EML1: variants seen among roughly 807,000 people sequenced by gnomAD.
The protein encoded by EML1 is echinoderm microtubule-associated protein-like 1.
Under a neutral mutation model 110.4 loss-of-function variants are expected in EML1, and 27 were observed. The observed-to-expected ratio is 0.24, with a 90% CI of 0.18 to 0.34. The LOEUF (loss-of-function observed/expected upper bound fraction) is 0.34. EML1 is among the 10% of genes least tolerant of loss of function. EML1 has a pLI of 1.00. For synonymous variants in EML1, 344 were observed against 385.8 expected (o/e 0.89, Z 1.27); for missense variants, 741 against 1,030.9 (o/e 0.72, Z 3.85).
intron 2 of EML1, among the ~76,000 whole-genome samples, chr14:99,856,572 C>A (rs1358051521): frequency 6.6e-6 from 1 of 152,190 alleles, no homozygotes; most frequent in Non-Finnish European, 1.5e-5. Flanking sequence ...GCACCTTCTC[C>A]TTACAAATTG....
upstream of EML1, among the ~76,000 whole-genome samples, chr14:99,789,862 G>A (rs2057643900): frequency 6.6e-6 from 1 of 152,148 alleles, no homozygotes; most frequent in Non-Finnish European, 1.5e-5. Flanking sequence ...TTGGTGCTCA[G>A]GATATAAATT....
At chr14:99,915,030 T>C (rs1241984087) in intron 15 of EML1, 6 of 329,476 alleles carry the variant, frequency 1.8e-5, no homozygotes, top group Non-Finnish European at 3.3e-5. Context: ...CTATTTACAG[T>C]GTACCCTTTG....
intron 15 of EML1, among the ~76,000 whole-genome samples, chr14:99,916,538 G>T (rs924947592): frequency 6.6e-6 from 1 of 152,094 alleles, no homozygotes; most frequent in Non-Finnish European, 1.5e-5. Context: ...CCTGCAAAGT[G>T]CCCTTTATCT....
intron 6 of EML1, among the ~76,000 whole-genome samples, chr14:99,895,576 A>T (rs1453152414): frequency 1.3e-5 from 2 of 152,168 alleles, no homozygotes; most frequent in Non-Finnish European, 2.9e-5. Context: ...AAAGAGGGGT[A>T]CTCTGAAAGG....
chr14:99,841,871 C>T (rs1414725558), intron 1 of EML1, among the ~76,000 whole-genome samples: 1 of 152,166 alleles, frequency 6.6e-6, no homozygotes, highest in Non-Finnish European at 1.5e-5. Context: ...TTACACACTG[C>T]CATGTGTAAA....
intron 1 of EML1, among the ~76,000 whole-genome samples, chr14:99,751,889 A>C (rs2057179903): frequency 6.6e-6 from 1 of 152,132 alleles, no homozygotes; most frequent in Non-Finnish European, 1.5e-5. Context: ...CTGGGTGAGA[A>C]GGGAGCCAGG....
intron 1 of EML1, among the ~76,000 whole-genome samples, chr14:99,813,715 A>G (rs187604087): frequency 6.6e-6 from 1 of 152,312 alleles, no homozygotes; most frequent in East Asian, 1.9e-4. Flanking sequence ...CTTAAAAAAA[A>G]AATTTTTTTT....
chr14:99,893,098 G>A (rs1464069860), intron 5 of EML1, among the ~76,000 whole-genome samples: 1 of 152,200 alleles, frequency 6.6e-6, no homozygotes, highest in African/African-American at 2.4e-5. Flanking sequence ...AGGACAGGGT[G>A]TAGAGGGGGG....
intron 3 of EML1, among the ~76,000 whole-genome samples, chr14:99,876,559 C>T (rs1179115209): frequency 2.6e-5 from 4 of 152,188 alleles, no homozygotes; most frequent in Non-Finnish European, 5.9e-5. Flanking sequence ...CTCTTCTGTC[C>T]TTGGTCACCT....
At chr14:99,808,211 A>AG (rs1252471566) in intron 1 of EML1, among the ~76,000 whole-genome samples, 1 of 152,178 alleles carries the variant, frequency 6.6e-6, no homozygotes, top group Non-Finnish European at 1.5e-5. Flanking sequence ...CCTTGAGGGC[A>AG]GGGGCGCTGT....
intron 1 of EML1, among the ~76,000 whole-genome samples, chr14:99,850,566 G>T (rs1000947157): frequency 1.3e-5 from 2 of 152,070 alleles, no homozygotes; most frequent in African/African-American, 4.8e-5. Context: ...CTCCGGTATC[G>T]CTGAAAACAA....
intron 1 of EML1, among the ~76,000 whole-genome samples, chr14:99,812,816 A>G (rs577229196): frequency 6.6e-6 from 1 of 152,320 alleles, no homozygotes; most frequent in South Asian, 2.1e-4. Flanking sequence ...GCTTTGGTGC[A>G]ATTTACTTTT....
At chr14:99,915,990 A>G (rs777440660) in intron 15 of EML1, among the ~76,000 whole-genome samples, 30 of 152,238 alleles carry the variant, frequency 2.0e-4, no homozygotes, top group Non-Finnish European at 4.4e-5. Context: ...AGGGGCAGGC[A>G]CTGCCACTCA....
At chr14:99,761,511 C>T (rs953229201) in intron 1 of EML1, among the ~76,000 whole-genome samples, 3 of 152,040 alleles carry the variant, frequency 2.0e-5, no homozygotes, top group African/African-American at 4.8e-5. Context: ...AGGATTGGGG[C>T]GTACATGTGG....
At chr14:99,783,646 G>A (rs556831372) in intron 1 of EML1, among the ~76,000 whole-genome samples, 54 of 149,106 alleles carry the variant, frequency 3.6e-4, no homozygotes, top group African/African-American at 1.1e-3. Flanking sequence ...CTCCATGCCC[G>A]GCTAATTTTT....
intron 17 of EML1, among the ~76,000 whole-genome samples, chr14:99,928,218 G>GTGGTGGTGGTGGTGGTGGTGA (rs2060301050): frequency 1.9e-5 from 1 of 53,840 alleles, no homozygotes; most frequent in East Asian, 5.5e-4. Context: ...GATGGTGATG[G>GTGGTGGTGGTGGTGGTGGTGA]TGGTGGTGGT....
At chr14:99,760,156 C>T (rs1028865633) in intron 1 of EML1, among the ~76,000 whole-genome samples, 6 of 150,374 alleles carry the variant, frequency 4.0e-5, no homozygotes, top group Admixed American at 1.3e-4. Flanking sequence ...TGGAAACACC[C>T]CCCAAACTTA....
chr14:99,790,958 G>A (rs565907776), upstream of EML1, among the ~76,000 whole-genome samples: 3 of 150,838 alleles, frequency 2.0e-5, no homozygotes, highest in South Asian at 6.3e-4. Flanking sequence ...CCTGGGCTCA[G>A]GTGATTCTCC....
chr14:99,889,685 G>A (rs2059553511), intron 4 of EML1, among the ~76,000 whole-genome samples: 1 of 152,150 alleles, frequency 6.6e-6, no homozygotes. Context: ...CACGGAGCCT[G>A]CTGGGCCAGG....
Sources: gnomAD v4.1 joint callset for allele counts (sites outside exome capture counted in the v4.1 genomes callset) on GRCh38, gnomAD v4.1.1 for gene constraint, MANE v1.5 for transcripts, NCBI Gene and HGNC (gene_info 2026-07-23, HGNC 2026-07-21) for gene names.